Variants in GDA observed in about 807,000 individuals in gnomAD.
The protein encoded by GDA is guanine deaminase.
A neutral mutation model predicts 59.6 loss-of-function variants in GDA; 18 were observed. The ratio of observed to expected loss-of-function variants is 0.30; its 90% CI spans 0.21 to 0.45. GDA has a LOEUF of 0.45. GDA is among the 20% of genes least tolerant of loss of function. The pLI is 1.00. For synonymous variants in GDA, 201 were observed against 201.1 expected (o/e 1.00, Z 0.00); for missense variants, 427 against 552.3 (o/e 0.77, Z 2.27).
rs1840751350 is a variant in GDA at position 72,252,204 on chromosome 9, T to C, written c.*3862T>C. 6.6e-6 allele frequency: 1 copy of C among 152,638 alleles called. No individual in the cohort carries two copies. Among genetic ancestry groups the C allele is most frequent in the African/African-American group, 2.4e-5 (1 of 41,458 alleles). The allele number at this position is 152,638 out of a possible 1,614,324, so 9.5% of individuals were successfully genotyped here. A position where few individuals can be genotyped will look rare whatever the true frequency, so the allele number is the denominator to read the frequency against. ...CCTGTGTGCTTCAGACAAAAATAAATGAGACTTTGTGTTTACGTTATTTTT... is the reference window on the plus strand; with the variant it reads ...CCTGTGTGCTTCAGACAAAAATAAACGAGACTTTGTGTTTACGTTATTTTT... On this transcript the variant is annotated 3_prime_UTR_variant, in exon 14 of 14. Transcript: ENST00000358399.
At chr9:72,209,367 G>T (rs752519876) in intron 3 of GDA, among the ~76,000 whole-genome samples, 1 of 151,750 alleles carries the variant, frequency 6.6e-6, no homozygotes, top group Admixed American at 6.6e-5. Flanking sequence ...CTTTTCCTGA[G>T]CAATTCTCTT....
downstream of GDA, among the ~76,000 whole-genome samples, chr9:72,258,393 G>A (rs1840908848): frequency 6.6e-6 from 1 of 152,168 alleles, no homozygotes; most frequent in Non-Finnish European, 1.5e-5. Flanking sequence ...TTTCTCTGCA[G>A]AGGCAGTCAC....
intron 3 of GDA, among the ~76,000 whole-genome samples, chr9:72,209,549 CT>C: frequency 6.6e-6 from 1 of 152,048 alleles, no homozygotes; most frequent in East Asian, 1.9e-4. Context: ...TTTAACTGAG[CT>C]TTTTTCTGAC....
At chr9:72,191,224 T>A (rs1587560306) in intron 1 of GDA, among the ~76,000 whole-genome samples, 1 of 152,184 alleles carries the variant, frequency 6.6e-6, no homozygotes, top group East Asian at 1.9e-4. Context: ...AGGGGCACAT[T>A]TGAGCTTGGT....
intron 1 of GDA, among the ~76,000 whole-genome samples, chr9:72,176,107 A>G (rs1456382897): frequency 6.6e-6 from 1 of 152,208 alleles, no homozygotes; most frequent in Non-Finnish European, 1.5e-5. Context: ...GATGTCAGTG[A>G]GTTCTTCAGT....
chr9:72,206,777 T>C (rs1834768601), intron 3 of GDA, among the ~76,000 whole-genome samples: 1 of 152,030 alleles, frequency 6.6e-6, no homozygotes, highest in South Asian at 2.1e-4. Flanking sequence ...ATCTCAATAA[T>C]AATAATTATT....
At chr9:72,214,692 C>A in intron 5 of GDA, 1 of 315,080 alleles carries the variant, frequency 3.2e-6, no homozygotes, top group Non-Finnish European at 6.0e-6. Flanking sequence ...GAATTCAAAA[C>A]CAGGGTCTAT....
At chr9:72,247,259 GC>G in intron 12 of GDA, 146 bp from the exon 13 acceptor site, 1 of 683,224 alleles carries the variant, frequency 1.5e-6, no homozygotes. Flanking sequence ...AAAGCACATA[GC>G]CACTTCTTTT....
intron 2 of GDA, among the ~76,000 whole-genome samples, chr9:72,201,194 T>G (rs1267639183): frequency 6.4e-3 from 434 of 68,228 alleles, no homozygotes; most frequent in African/African-American, 0.015. Context: ...TCACACAGAA[T>G]TTTTTTTTTT....
At chr9:72,121,805 C>T (rs1220061404) in intron 1 of GDA, among the ~76,000 whole-genome samples, 1 of 152,142 alleles carries the variant, frequency 6.6e-6, no homozygotes, top group Non-Finnish European at 1.5e-5. Context: ...ATCACTGAAA[C>T]TGCTCTTGGC....
chr9:72,214,024 AG>A (rs1296973224), intron 5 of GDA, 33 bp downstream of exon 5: 3 of 1,185,818 alleles, frequency 2.5e-6, no homozygotes, highest in Middle Eastern at 1.9e-4. Flanking sequence ...TTTGTCTTAC[AG>A]GTGAATTCCT....
intron 5 of GDA, chr9:72,214,922 C>CA (rs1564088445): frequency 6.9e-5 from 13 of 189,606 alleles, no homozygotes; most frequent in Non-Finnish European, 1.2e-4. Flanking sequence ...TTAGTAGAGA[C>CA]GTGGTTTCAC....
At chr9:72,205,966 T>C (rs1013409102) in intron 3 of GDA, among the ~76,000 whole-genome samples, 1 of 152,216 alleles carries the variant, frequency 6.6e-6, no homozygotes, top group African/African-American at 2.4e-5. Context: ...CAGCTTTCCG[T>C]TTCAATTTCA....
intron 2 of GDA, among the ~76,000 whole-genome samples, chr9:72,199,252 A>G (rs957271188): frequency 3.3e-5 from 5 of 152,192 alleles, no homozygotes; most frequent in South Asian, 2.1e-4. Flanking sequence ...CTCACATTCC[A>G]TGCTTCTGTG....
At chr9:72,201,396 T>C (rs964424279) in intron 2 of GDA, among the ~76,000 whole-genome samples, 2 of 152,128 alleles carry the variant, frequency 1.3e-5, no homozygotes, top group Non-Finnish European at 1.5e-5. Context: ...CCATCATTAT[T>C]ATAATAACTG....
chr9:72,133,585 C>T (rs531627415), intron 1 of GDA, among the ~76,000 whole-genome samples: 1 of 152,234 alleles, frequency 6.6e-6, no homozygotes, highest in South Asian at 2.1e-4. Context: ...GCAATTATTC[C>T]CTGATCATTT....
At chr9:72,172,557 C>G (rs968754092) in intron 1 of GDA, among the ~76,000 whole-genome samples, 4 of 152,106 alleles carry the variant, frequency 2.6e-5, no homozygotes. Flanking sequence ...ATCTTTAACT[C>G]CTCTGTAGTG....
At position 72,250,847 on chromosome 9, in the gene GDA, A is replaced by G; in HGVS notation, c.*2505A>G. ...AACGGAATACACTTTGAAAGGTAAA[A>G]ACAATTCAAAAGTATCGATTATCAT... On this transcript the variant is annotated 3_prime_UTR_variant, in exon 14 of 14. Transcript: ENST00000358399. 6.2e-7 allele frequency: 1 copy of G among 1,606,870 alleles called. No homozygotes were observed. Among genetic ancestry groups the G allele is most frequent in the Non-Finnish European group, 8.5e-7 (1 of 1,175,414 alleles).
Position 72,176,656 on chromosome 9 carries a change from A to G in GDA, c.124-18844A>G, listed in dbSNP as rs564499427. 5.9e-5 allele frequency among the ~76,000 whole-genome samples: 9 copies of G among 152,262 alleles called. No homozygotes were observed. In the South Asian group the frequency reaches 1.4e-3, roughly 25 times the overall value. ...TGAATTCCACTTATATCCAGTGTTA[A>G]TTGTTAGAAGCTTTTTCTGTTCATG... is the stretch of plus-strand genomic sequence containing the variant. On this transcript the variant is annotated intron_variant, in intron 1 of 13. Transcript: ENST00000358399.
Sources: gnomAD v4.1 joint callset for allele counts (sites outside exome capture counted in the v4.1 genomes callset) on GRCh38, gnomAD v4.1.1 for gene constraint, MANE v1.5 for transcripts, NCBI Gene and HGNC (gene_info 2026-07-23, HGNC 2026-07-21) for gene names.